The following AKAP10 variants were observed in gnomAD, a reference collection of about 807,000 sequenced individuals.
AKAP10 encodes the protein A-kinase anchoring protein 10, also known as A-kinase anchor protein 10, mitochondrial.
Under a neutral mutation model 80.8 loss-of-function variants are expected in AKAP10, and 24 were observed. The observed-to-expected ratio is 0.30, with a 90% CI of 0.22 to 0.42. The LOEUF (loss-of-function observed/expected upper bound fraction) is 0.42. Among genes scored for constraint, AKAP10 ranks in the 10% least tolerant of loss-of-function variants. The pLI is 1.00. For synonymous variants in AKAP10, 291 were observed against 277.7 expected, an observed-to-expected ratio of 1.05 and a Z score of -0.48; for missense variants, 661 against 794.9, an observed-to-expected ratio of 0.83 and a Z score of 2.03.
intron 10 of AKAP10, 99 bp from the exon 11 acceptor site, chr17:19,924,616 G>A: frequency 1.5e-6 from 1 of 649,500 alleles, no homozygotes; most frequent in Non-Finnish European, 2.5e-6. Context: ...GTTTGAAATA[G>A]AAGTAACTTT....
intron 11 of AKAP10, among the ~76,000 whole-genome samples, chr17:19,922,785 A>G (rs1240110554): frequency 6.6e-6 from 1 of 152,172 alleles, no homozygotes; most frequent in African/African-American, 2.4e-5. Flanking sequence ...CTGTAGTCCC[A>G]GCTACTTGGG....
intron 1 of AKAP10, among the ~76,000 whole-genome samples, chr17:19,975,556 T>C (rs140601245): frequency 2.0e-5 from 3 of 152,312 alleles, no homozygotes; most frequent in Non-Finnish European, 4.4e-5. Context: ...CTAACCAAAA[T>C]GCATTTCTCC....
chr17:19,916,111 C>T (rs115905680), intron 12 of AKAP10, among the ~76,000 whole-genome samples: 20 of 152,352 alleles, frequency 1.3e-4, no homozygotes, highest in African/African-American at 4.8e-4. Flanking sequence ...ACCAAGAACA[C>T]TCTTCCTCCA....
intron 9 of AKAP10, among the ~76,000 whole-genome samples, chr17:19,934,616 A>G (rs1638528): frequency 0.28 from 42,706 of 152,184 alleles, 6,473 homozygotes; most frequent in African/African-American, 0.38. Context: ...TACTATGTTA[A>G]TATGTATTTT....
Position 19,931,997 on chromosome 17 carries a change from AT to A in AKAP10, c.1468-20del, listed in dbSNP as rs2042939426. 14 of 1,594,542 alleles carry A rather than the reference AT, an allele frequency of 8.8e-6. No homozygotes were observed. The highest frequency in any genetic ancestry group is 1.1e-5 in the Non-Finnish European group (13 of 1,171,846). The stretch of plus-strand genomic sequence containing the variant: ...AAAAGACCTGATAGAGATGAAAAGC[AT>A]TATTTTAAAGTTGAAATCAAATCCA... On this transcript the variant is annotated intron_variant, in intron 9 of 14. Coordinates refer to ENST00000225737, the MANE Select transcript of AKAP10 (RefSeq NM_007202.4).
At chr17:19,952,542 T>A (rs889555319) in intron 4 of AKAP10, among the ~76,000 whole-genome samples, 21 of 151,968 alleles carry the variant, frequency 1.4e-4, no homozygotes, top group African/African-American at 4.8e-4. Context: ...AGAAGCCCCC[T>A]TTAAATAGAA....
In AKAP10 at chr17:19,940,992, C is replaced by T; in HGVS notation, c.1080G>A (p.Leu360=). ...GGTATTTACAGAAATGGTGACTTCG[C>T]AGAAACTCACTAAAGTGCCTGCACA... The part of the protein sequence containing the change: ...AMEQEHFSEF[L]RSHHFCKYQI... Residue 360 remains leucine (L), a synonymous_variant, in exon 7 of 15, where the codon CTG becomes CTA. Transcript: ENST00000225737. The T allele has an allele frequency of 6.2e-7, 1 of 1,605,598 alleles. No homozygotes were observed. The highest frequency in any genetic ancestry group is 8.5e-7 in the Non-Finnish European group (1 of 1,177,856).
chr17:19,967,112 T>C (rs570854295), intron 2 of AKAP10, among the ~76,000 whole-genome samples: 20 of 152,210 alleles, frequency 1.3e-4, no homozygotes, highest in African/African-American at 4.3e-4. Context: ...AAAATCTAAA[T>C]AAGTAGCAAT....
At chr17:19,936,211 T>C in intron 9 of AKAP10, 75 bp downstream of exon 9, 1 of 1,505,360 alleles carries the variant, frequency 6.6e-7, no homozygotes, top group Non-Finnish European at 9.0e-7. Context: ...TTCTGCTTGG[T>C]TTTCCCACCT....
chr17:19,934,729 C>T (rs778345952), intron 9 of AKAP10, among the ~76,000 whole-genome samples: 4 of 152,020 alleles, frequency 2.6e-5, no homozygotes, highest in African/African-American at 4.8e-5. Flanking sequence ...ATTTCAGTTA[C>T]TGCCCAGGCA....
chr17:19,922,940 T>C (rs1433663366), intron 11 of AKAP10, among the ~76,000 whole-genome samples: 1 of 152,190 alleles, frequency 6.6e-6, no homozygotes, highest in East Asian at 1.9e-4. Flanking sequence ...ATTTACATTA[T>C]ACATACACAC....
chr17:19,911,895 G>C (rs1311842421), intron 12 of AKAP10, among the ~76,000 whole-genome samples: 1 of 145,810 alleles, frequency 6.9e-6, no homozygotes, highest in Non-Finnish European at 1.5e-5. Context: ...TACATGATGG[G>C]AGTCAGTCTA....
intron 10 of AKAP10, 21 bp from the exon 11 acceptor site, chr17:19,924,538 T>A (rs924426627): frequency 5.3e-6 from 8 of 1,510,118 alleles, no homozygotes; most frequent in African/African-American, 2.8e-5. Context: ...AATTGTAAAA[T>A]TAGAAGTATA....
At chr17:19,953,051 T>C (rs2043233510) in intron 4 of AKAP10, among the ~76,000 whole-genome samples, 1 of 152,038 alleles carries the variant, frequency 6.6e-6, no homozygotes, top group Non-Finnish European at 1.5e-5. Context: ...AATGAAATCA[T>C]TCAAAATATA....
intron 3 of AKAP10, among the ~76,000 whole-genome samples, chr17:19,961,298 G>A (rs987351693): frequency 2.6e-5 from 4 of 151,812 alleles, no homozygotes; most frequent in African/African-American, 9.7e-5. Context: ...GCTGCAGTGA[G>A]TTGTAATCAC....
intron 1 of AKAP10, among the ~76,000 whole-genome samples, chr17:19,968,851 C>T (rs183658223): frequency 6.6e-6 from 1 of 152,132 alleles, no homozygotes; most frequent in East Asian, 1.9e-4. Context: ...AAAATATATA[C>T]CTGTAAGGGG....
At chr17:19,939,021 C>G (rs928652753) in intron 8 of AKAP10, among the ~76,000 whole-genome samples, 1 of 152,070 alleles carries the variant, frequency 6.6e-6, no homozygotes, top group Non-Finnish European at 1.5e-5. Flanking sequence ...AGTGAGCCAC[C>G]GTGCCCGACC....
At chr17:19,975,745 G>C (rs953847424) in intron 1 of AKAP10, among the ~76,000 whole-genome samples, 1 of 151,994 alleles carries the variant, frequency 6.6e-6, no homozygotes, top group Non-Finnish European at 1.5e-5. Flanking sequence ...CAATCGTGAG[G>C]GCCTAGCACA....
At chr17:19,923,170 C>T (rs1035620480) in intron 11 of AKAP10, among the ~76,000 whole-genome samples, 1 of 151,990 alleles carries the variant, frequency 6.6e-6, no homozygotes, top group African/African-American at 2.4e-5. Context: ...CTCCGCCTCC[C>T]GGGTTCAAGC....
Sources: allele counts gnomAD v4.1 joint callset (sites outside exome capture counted in the v4.1 genomes callset), GRCh38; gene constraint gnomAD v4.1.1; transcripts MANE v1.5; gene names NCBI Gene and HGNC (gene_info 2026-07-23, HGNC 2026-07-21).